Variants in RNF43 observed in about 807,000 individuals in gnomAD.
RNF43 encodes ring finger protein 43.
RNF43 carries 37 observed loss-of-function variants against 78.4 expected under a neutral mutation model. The ratio of observed to expected loss-of-function variants is 0.47; its 90% CI spans 0.36 to 0.62. RNF43 has a LOEUF of 0.62. Among genes scored for constraint, RNF43 ranks in the 20% least tolerant of loss-of-function variants. RNF43 has a pLI of 0.00. For synonymous variants in RNF43, 347 were observed against 395.0 expected (o/e 0.88, Z 1.44); for missense variants, 774 against 1,007.9 (o/e 0.77, Z 3.14).
At chr17:58,393,043 A>T (rs950731531) in intron 2 of RNF43, among the ~76,000 whole-genome samples, 5 of 152,220 alleles carry the variant, frequency 3.3e-5, no homozygotes, top group African/African-American at 1.2e-4. Flanking sequence ...CTTCCTCCTT[A>T]ACCTAGTAAG....
chr17:58,410,927 C>T (rs74862212), intron 2 of RNF43, among the ~76,000 whole-genome samples: 5,802 of 152,224 alleles, frequency 0.038, 167 homozygotes, highest in East Asian at 0.073. Flanking sequence ...ATATTCTCTT[C>T]ATCTGTGGCA....
chr17:58,406,486 C>T (rs1973912696), intron 2 of RNF43, among the ~76,000 whole-genome samples: 1 of 152,024 alleles, frequency 6.6e-6, no homozygotes, highest in African/African-American at 2.4e-5. Flanking sequence ...CTTTTCCCTC[C>T]CCTCCATCAA....
Position 58,357,558 on chromosome 17 carries a change from G to A in RNF43, c.2218C>T (p.Pro740Ser), listed in dbSNP as rs759690943. 15 of 1,614,100 alleles carry A rather than the reference G, an allele frequency of 9.3e-6. No individual in the cohort carries two copies. The highest frequency in any genetic ancestry group is 1.3e-5 in the Non-Finnish European group (15 of 1,180,036). The change falls in exon 9 of 10, where the codon CCT (proline) becomes TCT (serine). Residue 740 changes from proline (P) to serine (S), a missense_variant. Coordinates refer to ENST00000407977, the MANE Select transcript of RNF43 (RefSeq NM_017763.6). This position sits in a 1 kb window ranked among gnomAD's most constrained non-coding sequence, Gnocchi z 4.5. ...TPRQPLEPHP[P>S]GEGPSEWSSD... ...CTCCATTCAGAAGGCCCCTCCCCAG[G>A]TGGATGTGGTTCCAGGGGCTGGCGA...
chr17:58,356,886 CTTT>C lies in RNF43; in HGVS notation c.2308+579_2308+581del, dbSNP rs150378896. The C allele has an allele frequency of 7.7e-3, 1,111 of 143,836 alleles. 4 individuals carry two copies. The highest frequency in any genetic ancestry group is 0.013 in the Middle Eastern group (5 of 378). 8.9% of individuals were successfully genotyped at this position (143,836 alleles called of 1,614,324 possible). ...ACCCCGGGGACCATTCCAAATGCCT[CTTT>C]TTTTTTTTTTTTTTTTTTTTTTGAG... On this transcript the variant is annotated intron_variant, in intron 9 of 9. Transcript: ENST00000407977.
chr17:58,365,611 G>A (rs1043129134), intron 3 of RNF43, among the ~76,000 whole-genome samples: 1 of 152,230 alleles, frequency 6.6e-6, no homozygotes, highest in African/African-American at 2.4e-5. Context: ...CTTTCAGACA[G>A]TGAGTCCCTG....
At position 58,358,371 on chromosome 17, in the gene RNF43, C is replaced by G. The variant is rs775121749; in HGVS notation, c.1405G>C (p.Gly469Arg). 3.1e-6 allele frequency: 5 copies of G among 1,614,156 alleles called. No individual in the cohort carries two copies. The East Asian group carries it at 8.9e-5, about 29-fold the overall frequency. The change falls in exon 9 of 10, where the codon GGG becomes CGG. Residue 469 changes from glycine to arginine, a missense_variant. Transcript: ENST00000407977. This position sits in a 1 kb window ranked among gnomAD's most constrained non-coding sequence, Gnocchi z 6.2. The stretch of plus-strand genomic sequence containing the variant: ...TCACTGGAAGAGCCATGACAGGGCC[C>G]TGAGCTGGAGTCACTGGCTGGCCCA... ...ADGPASDSSS[G>R]PCHGSSSDSV...
chr17:58,355,050 G>T, intron 9 of RNF43, 64 bp from the exon 10 acceptor site: 1 of 1,394,976 alleles, frequency 7.2e-7, no homozygotes, highest in Middle Eastern at 2.2e-4. Flanking sequence ...TGCTTCTCTC[G>T]CCTGCAGCAG....
At chr17:58,363,149 G>T in intron 5 of RNF43, 126 bp downstream of exon 5, 1 of 1,189,484 alleles carries the variant, frequency 8.4e-7, no homozygotes, top group Non-Finnish European at 1.2e-6. Context: ...GCTGATGGAT[G>T]AAGTTGGACT....
intron 1 of RNF43, 166 bp from the exon 2 acceptor site, chr17:58,416,128 T>C (rs1974118847): frequency 6.1e-6 from 1 of 165,110 alleles, no homozygotes; most frequent in African/African-American, 2.4e-5. Context: ...ATTTTTTTTT[T>C]AATGGAGGAG....
At chr17:58,359,878 A>C (rs1247701849) in intron 8 of RNF43, among the ~76,000 whole-genome samples, 8 of 152,200 alleles carry the variant, frequency 5.3e-5, no homozygotes, top group African/African-American at 1.9e-4. Context: ...GTGAACCGAG[A>C]TCACGCCATT....
rs1973015949 is a variant in RNF43, at chr17:58,368,940, G to A, written c.375+1971C>T. ...AGGCAAAGGTCTAGAGGTCCTGTGA[G>A]GTAGCAGGCCAGGGTGCAACAGGCA... is the stretch of plus-strand genomic sequence containing the variant. On this transcript the variant is annotated intron_variant, in intron 3 of 9. Coordinates refer to ENST00000407977, the MANE Select transcript of RNF43 (RefSeq NM_017763.6). Among the ~76,000 whole-genome samples the A allele has an allele frequency of 2.0e-5, 3 of 152,120 alleles. No homozygotes were observed. The South Asian group carries it at 6.2e-4, about 32-fold the overall frequency.
chr17:58,393,688 C>T (rs367920325), intron 2 of RNF43, among the ~76,000 whole-genome samples: 8 of 152,206 alleles, frequency 5.3e-5, no homozygotes, highest in African/African-American at 4.8e-5. Flanking sequence ...TTAATGTTTG[C>T]GCTTCATTGT....
At chr17:58,384,706 A>G (rs1973395608) in intron 2 of RNF43, among the ~76,000 whole-genome samples, 1 of 152,196 alleles carries the variant, frequency 6.6e-6, no homozygotes, top group African/African-American at 2.4e-5. Flanking sequence ...GACAGACCAC[A>G]GGAAGAAGCA....
chr17:58,356,932 T>A (rs1972696043), intron 9 of RNF43: 1 of 284,762 alleles, frequency 3.5e-6, no homozygotes, highest in South Asian at 6.2e-5. Flanking sequence ...CTCACCCTGT[T>A]ACCCAGGCTG....
chr17:58,359,656 G>T (rs189808206), intron 8 of RNF43, among the ~76,000 whole-genome samples: 1 of 151,576 alleles, frequency 6.6e-6, no homozygotes, highest in East Asian at 1.9e-4. Context: ...GCCAGGCACG[G>T]TGGCTCACGC....
At chr17:58,386,641 A>C (rs1026027469) in intron 2 of RNF43, among the ~76,000 whole-genome samples, 2 of 152,066 alleles carry the variant, frequency 1.3e-5, no homozygotes, top group African/African-American at 4.8e-5. Flanking sequence ...CTATTCTCTC[A>C]CATTCTCTTG....
rs1567873348 is a variant in RNF43, at chr17:58,358,158, C to CT, written c.1617dup (p.Gly540ArgfsTer56). The stretch of plus-strand genomic sequence containing the variant: ...ACATGGCTGGAAACCTGGGTTTCCC[C>CT]TGTGGGCACCACCGAGTCCAAGGAA... On this transcript the variant is annotated frameshift_variant, in exon 9 of 10. Coordinates refer to ENST00000407977, the MANE Select transcript of RNF43 (RefSeq NM_017763.6). LOFTEE classifies it high-confidence loss of function. This position sits in a 1 kb window ranked among gnomAD's most constrained non-coding sequence, Gnocchi z 6.2. The CT allele has an allele frequency of 1.2e-5, 19 of 1,612,608 alleles. No homozygotes were observed. The highest frequency in any genetic ancestry group is 1.6e-5 in the Non-Finnish European group (19 of 1,179,544).
intron 2 of RNF43, among the ~76,000 whole-genome samples, chr17:58,378,030 C>T (rs1224527440): frequency 6.6e-6 from 1 of 152,108 alleles, no homozygotes; most frequent in Non-Finnish European, 1.5e-5. Context: ...ATAGGCCCAC[C>T]ACTGAGGCCC....
chr17:58,399,747 T>G (rs1244773324), intron 2 of RNF43, among the ~76,000 whole-genome samples: 2 of 152,022 alleles, frequency 1.3e-5, no homozygotes, highest in African/African-American at 4.8e-5. Context: ...GTTCAAGTGA[T>G]TCTCCTGCCT....
Sources: allele counts gnomAD v4.1 joint callset (sites outside exome capture counted in the v4.1 genomes callset), GRCh38; gene constraint gnomAD v4.1.1; non-coding constraint Gnocchi (gnomAD v3.1); transcripts MANE v1.5; gene names NCBI Gene and HGNC (gene_info 2026-07-23, HGNC 2026-07-21).